RIN3: variants seen among roughly 807,000 people sequenced by gnomAD.
RIN3 encodes Ras and Rab interactor 3.
In RIN3, 54 loss-of-function variants were observed where a neutral mutation model predicts 76.3. The observed-to-expected ratio is 0.71, with a 90% confidence interval of 0.57 to 0.89. RIN3 has a LOEUF of 0.89. Ranked by LOEUF, RIN3 falls within the 40% of genes least tolerant of loss-of-function variation. The pLI is 0.00. For synonymous variants in RIN3, 576 were observed against 564.0 expected, an observed-to-expected ratio of 1.02 and a Z score of -0.30; for missense variants, 1,256 against 1,322.1, an observed-to-expected ratio of 0.95 and a Z score of 0.78.
intron 4 of RIN3, chr14:92,615,791 G>A: frequency 3.1e-6 from 1 of 319,360 alleles, no homozygotes; most frequent in Non-Finnish European, 5.8e-6. Context: ...CCATTGCAGG[G>A]GTTCTAGAAG....
At chr14:92,576,994 A>G (rs1898262668) in intron 2 of RIN3, among the ~76,000 whole-genome samples, 2 of 152,084 alleles carry the variant, frequency 1.3e-5, no homozygotes, top group African/African-American at 2.4e-5. Context: ...CACTGCTCAC[A>G]TAAGAGCCAG....
At chr14:92,610,857 C>G (rs1885703776) in intron 3 of RIN3, among the ~76,000 whole-genome samples, 1 of 152,170 alleles carries the variant, frequency 6.6e-6, no homozygotes, top group Non-Finnish European at 1.5e-5. Flanking sequence ...TTCCCTGCAC[C>G]CCTGCCTCAC....
chr14:92,615,014 T>C (rs944386144), intron 3 of RIN3, among the ~76,000 whole-genome samples: 1 of 151,856 alleles, frequency 6.6e-6, no homozygotes, highest in East Asian at 1.9e-4. Flanking sequence ...GGCTAATTTT[T>C]TGTATTTTTA....
intron 1 of RIN3, among the ~76,000 whole-genome samples, chr14:92,543,746 C>T (rs558629282): frequency 2.0e-5 from 3 of 150,818 alleles, no homozygotes; most frequent in African/African-American, 7.3e-5. Flanking sequence ...CCACACCCGG[C>T]TAATTTTTTA....
chr14:92,571,535 T>C (rs2104238), intron 2 of RIN3, among the ~76,000 whole-genome samples: 123,623 of 152,110 alleles, frequency 0.81, 50,350 homozygotes, highest in South Asian at 0.88. Flanking sequence ...CACTCACCCA[T>C]ACTCACACAC....
At chr14:92,684,928 C>T in intron 8 of RIN3, 59 bp from the exon 9 acceptor site, 1 of 1,562,648 alleles carries the variant, frequency 6.4e-7, no homozygotes, top group Non-Finnish European at 8.7e-7. Context: ...AGGCCAAGCT[C>T]CTTGCCTCTG....
chr14:92,518,719 G>C (rs1896511730), intron 1 of RIN3, among the ~76,000 whole-genome samples: 1 of 152,064 alleles, frequency 6.6e-6, no homozygotes, highest in South Asian at 2.1e-4. Flanking sequence ...ACTTGGGGGA[G>C]CCCTGGGGCA....
intron 4 of RIN3, among the ~76,000 whole-genome samples, chr14:92,638,254 T>C (rs907662120): frequency 1.3e-5 from 2 of 152,196 alleles, no homozygotes; most frequent in Admixed American, 6.5e-5. Flanking sequence ...ATTCCCTCTA[T>C]GCGTAAACTC....
intron 4 of RIN3, among the ~76,000 whole-genome samples, chr14:92,637,211 C>T (rs1247366602): frequency 6.6e-6 from 1 of 151,944 alleles, no homozygotes; most frequent in Non-Finnish European, 1.5e-5. Flanking sequence ...GAGCCCTGAG[C>T]TTGTTTTCCT....
intron 2 of RIN3, among the ~76,000 whole-genome samples, chr14:92,566,812 G>C (rs149628441): frequency 6.6e-6 from 1 of 152,136 alleles, no homozygotes; most frequent in Non-Finnish European, 1.5e-5. Context: ...TGGACCTGCC[G>C]CTTGAATGCC....
chr14:92,535,153 G>A (rs1478635859), intron 1 of RIN3, among the ~76,000 whole-genome samples: 1 of 152,154 alleles, frequency 6.6e-6, no homozygotes. Flanking sequence ...TCACAGCCAT[G>A]TGGAGATCCA....
rs753516012 is a variant in RIN3, at chr14:92,652,229, A to G, written c.1180A>G (p.Arg394Gly). The change falls in exon 6 of 10, where the codon AGG (arginine) becomes GGG (glycine). Residue 394 changes from arginine to glycine, a missense_variant. Physicochemically the swap from Arg to Gly is moderately radical, Grantham distance 125 (BLOSUM62 -2). Transcript: ENST00000216487. The surrounding 1 kb of genome is among the most constrained non-coding windows in gnomAD (Gnocchi z 6.4). ...TAPPRRRVSERVSLEDQSPGM... is the reference protein window; with the variant it reads ...TAPPRRRVSEGVSLEDQSPGM... ...CCCTCCCAGACGCCGCGTTTCCGAGAGGGTGTCCTTAGAAGACCAAAGTCC... is the reference window on the plus strand; with the variant it reads ...CCCTCCCAGACGCCGCGTTTCCGAGGGGGTGTCCTTAGAAGACCAAAGTCC... 2.6e-5 allele frequency: 42 copies of G among 1,609,404 alleles called. No individual in the cohort carries two copies. The Admixed American group carries it at 4.4e-4, about 17-fold the overall frequency.
intron 1 of RIN3, among the ~76,000 whole-genome samples, chr14:92,541,090 C>T (rs1897122085): frequency 6.6e-6 from 1 of 152,210 alleles, no homozygotes; most frequent in East Asian, 1.9e-4. Flanking sequence ...GGCTGCTGAA[C>T]CTGGAGAAGG....
At chr14:92,665,150 C>G (rs1198461601) in intron 7 of RIN3, among the ~76,000 whole-genome samples, 1 of 152,164 alleles carries the variant, frequency 6.6e-6, no homozygotes, top group African/African-American at 2.4e-5. Context: ...TGGTCCATTG[C>G]CCCCAGGCTA....
intron 3 of RIN3, among the ~76,000 whole-genome samples, chr14:92,584,159 T>TG (rs536089813): frequency 9.9e-5 from 15 of 151,948 alleles, no homozygotes; most frequent in South Asian, 2.1e-4. Flanking sequence ...TCTGAGGGGG[T>TG]GGGGGGGTCT....
chr14:92,563,501 CAG>C (rs1897834858), intron 2 of RIN3, among the ~76,000 whole-genome samples: 2 of 152,298 alleles, frequency 1.3e-5, no homozygotes, highest in East Asian at 3.9e-4. Context: ...CCCTGCAAAA[CAG>C]GGGTGTGATC....
At chr14:92,654,250 G>T (rs1407912191) in intron 6 of RIN3, among the ~76,000 whole-genome samples, 2 of 151,924 alleles carry the variant, frequency 1.3e-5, no homozygotes, top group African/African-American at 4.8e-5. Flanking sequence ...GGAGGCAGAG[G>T]TTGCAGTGAG....
At chr14:92,637,269 A>G (rs1399362197) in intron 4 of RIN3, among the ~76,000 whole-genome samples, 1 of 151,904 alleles carries the variant, frequency 6.6e-6, no homozygotes, top group African/African-American at 2.4e-5. Flanking sequence ...GTGACAGATC[A>G]TCAGGCATTA....
intron 1 of RIN3, among the ~76,000 whole-genome samples, chr14:92,522,886 G>A (rs1310855906): frequency 2.0e-5 from 3 of 152,300 alleles, no homozygotes; most frequent in East Asian, 1.9e-4. Context: ...CTTAATGGGG[G>A]TGTCCTTCTC....
Sources: allele counts gnomAD v4.1 joint callset (sites outside exome capture counted in the v4.1 genomes callset), GRCh38; gene constraint gnomAD v4.1.1; non-coding constraint Gnocchi (gnomAD v3.1); transcripts MANE v1.5; gene names NCBI Gene and HGNC (gene_info 2026-07-23, HGNC 2026-07-21).